The following NKAIN3 variants were observed in gnomAD, a reference collection of about 807,000 sequenced individuals.
NKAIN3 encodes sodium/potassium-transporting ATPase subunit beta-1-interacting protein 3.
In NKAIN3, 25 loss-of-function variants were observed where a neutral mutation model predicts 30.2. That is an observed-to-expected ratio of 0.83 (90% CI 0.60 to 1.16). NKAIN3 has a LOEUF of 1.16. Ranked by LOEUF, NKAIN3 falls within the 50% of genes most tolerant of loss-of-function variation. NKAIN3 has a pLI of 0.00. For synonymous variants in NKAIN3, 91 were observed against 89.6 expected, an observed-to-expected ratio of 1.02 and a Z score of -0.09; for missense variants, 225 against 254.1, an observed-to-expected ratio of 0.89 and a Z score of 0.78.
At chr8:62,344,082 C>T (rs141588411) in intron 1 of NKAIN3, among the ~76,000 whole-genome samples, 216 of 152,088 alleles carry the variant, frequency 1.4e-3, no homozygotes, top group African/African-American at 5.1e-3. Context: ...TGTTGAGATT[C>T]AGAAATCCCT....
At chr8:62,375,796 T>G (rs1817060864) in intron 1 of NKAIN3, among the ~76,000 whole-genome samples, 1 of 152,212 alleles carries the variant, frequency 6.6e-6, no homozygotes, top group Non-Finnish European at 1.5e-5. Context: ...ATTGAATATA[T>G]ATGTTTAACA....
chr8:62,324,596 CA>C (rs1171960739), intron 1 of NKAIN3, among the ~76,000 whole-genome samples: 3 of 152,028 alleles, frequency 2.0e-5, no homozygotes, highest in African/African-American at 7.2e-5. Context: ...ATATTCATTA[CA>C]AGAGAGAGCT....
chr8:62,586,792 T>C (rs183564278), intron 2 of NKAIN3, among the ~76,000 whole-genome samples: 67 of 152,118 alleles, frequency 4.4e-4, no homozygotes, highest in African/African-American at 1.5e-3. Context: ...ATAGAATGCA[T>C]AAACATTCTT....
At chr8:62,373,695 T>C (rs1188261091) in intron 1 of NKAIN3, among the ~76,000 whole-genome samples, 3 of 152,218 alleles carry the variant, frequency 2.0e-5, no homozygotes, top group Non-Finnish European at 4.4e-5. Context: ...ACACATCTAT[T>C]GCACTGAAGA....
At chr8:62,709,637 G>T (rs557058844) in intron 3 of NKAIN3, among the ~76,000 whole-genome samples, 59 of 152,038 alleles carry the variant, frequency 3.9e-4, no homozygotes, top group Middle Eastern at 3.4e-3. Context: ...CTTGTTAATG[G>T]TCTCTCAATT....
intron 1 of NKAIN3, among the ~76,000 whole-genome samples, chr8:62,289,087 T>C (rs909091369): frequency 1.3e-5 from 2 of 152,062 alleles, no homozygotes; most frequent in African/African-American, 4.8e-5. Flanking sequence ...TTTGATGGGG[T>C]TGTTTGATTT....
chr8:62,377,648 T>C (rs1473305677), intron 1 of NKAIN3, among the ~76,000 whole-genome samples: 1 of 151,962 alleles, frequency 6.6e-6, no homozygotes. Flanking sequence ...AATTAAAACA[T>C]GGGGGTGGTT....
At chr8:62,357,388 T>C (rs1482375330) in intron 1 of NKAIN3, among the ~76,000 whole-genome samples, 1 of 152,158 alleles carries the variant, frequency 6.6e-6, no homozygotes, top group Non-Finnish European at 1.5e-5. Context: ...CACTCCAGCC[T>C]GGGCAACAGA....
intron 4 of NKAIN3, among the ~76,000 whole-genome samples, chr8:62,752,299 G>T (rs1469568439): frequency 6.6e-6 from 1 of 152,146 alleles, no homozygotes; most frequent in African/African-American, 2.4e-5. Context: ...ACACTGCCCT[G>T]TGCTTGTCCT....
chr8:62,442,660 TATA>T (rs1563400881), intron 1 of NKAIN3, among the ~76,000 whole-genome samples: 1 of 151,906 alleles, frequency 6.6e-6, no homozygotes, highest in African/African-American at 2.4e-5. Context: ...TTATGTTTTT[TATA>T]ATATCTAACT....
At chr8:62,476,229 A>C (rs1480904778) in intron 1 of NKAIN3, among the ~76,000 whole-genome samples, 2 of 152,188 alleles carry the variant, frequency 1.3e-5, no homozygotes, top group Non-Finnish European at 2.9e-5. Context: ...GTGACTAAAA[A>C]ATAGATATAT....
chr8:62,898,700 C>G (rs1821511999), intron 4 of NKAIN3, among the ~76,000 whole-genome samples: 1 of 152,098 alleles, frequency 6.6e-6, no homozygotes, highest in Non-Finnish European at 1.5e-5. Flanking sequence ...ACCCCGCAAG[C>G]ACAGGCAAAC....
chr8:62,583,639 T>C (rs1810371871), intron 2 of NKAIN3, among the ~76,000 whole-genome samples: 2 of 152,306 alleles, frequency 1.3e-5, no homozygotes, highest in South Asian at 4.1e-4. Context: ...GAACTGGGTG[T>C]GTACTGGCCT....
At chr8:62,700,842 A>G (rs988235101) in intron 3 of NKAIN3, among the ~76,000 whole-genome samples, 2 of 152,334 alleles carry the variant, frequency 1.3e-5, no homozygotes, top group South Asian at 2.1e-4. Context: ...TCATCAGACC[A>G]TATTTTCTAA....
chr8:62,289,316 C>T lies in NKAIN3; in HGVS notation c.54+40189C>T, dbSNP rs1204569424. Among the ~76,000 whole-genome samples, 7 of 152,128 alleles carry T rather than the reference C, an allele frequency of 4.6e-5. No homozygotes were observed. The East Asian group carries it at 9.6e-4, about 21-fold the overall frequency. On this transcript the variant is annotated intron_variant, in intron 1 of 6. Transcript: ENST00000623646. ...GGTGTTTTAGTCATGAAGTCCTTGC[C>T]CATGCCTATGTCCTGAATGGTATTG... is the stretch of plus-strand genomic sequence containing the variant.
chr8:62,629,292 T>A (rs528763610), intron 3 of NKAIN3, among the ~76,000 whole-genome samples: 8 of 152,258 alleles, frequency 5.3e-5, no homozygotes, highest in Admixed American at 5.2e-4. Context: ...CCTTATCTAA[T>A]ATACACCATA....
chr8:62,798,470 G>A (rs866737392), intron 4 of NKAIN3, among the ~76,000 whole-genome samples: 1 of 152,006 alleles, frequency 6.6e-6, no homozygotes, highest in African/African-American at 2.4e-5. Context: ...TACCCTGGAG[G>A]CTGAGGCAGG....
intron 3 of NKAIN3, among the ~76,000 whole-genome samples, chr8:62,660,664 C>G (rs1313127163): frequency 6.6e-6 from 1 of 152,172 alleles, no homozygotes; most frequent in Admixed American, 6.5e-5. Flanking sequence ...GAAAAGAAAT[C>G]AAGTCAAAGG....
At chr8:62,367,675 G>A (rs925417800) in intron 1 of NKAIN3, among the ~76,000 whole-genome samples, 2 of 151,990 alleles carry the variant, frequency 1.3e-5, no homozygotes, top group African/African-American at 4.8e-5. Context: ...TTAAATTTAT[G>A]CACAAAGCAA....
Sources: gnomAD v4.1 joint callset for allele counts (sites outside exome capture counted in the v4.1 genomes callset) on GRCh38, gnomAD v4.1.1 for gene constraint, MANE v1.5 for transcripts, NCBI Gene and HGNC (gene_info 2026-07-23, HGNC 2026-07-21) for gene names.